The following C12orf42 variants were observed in gnomAD, a reference collection of about 807,000 sequenced individuals.
The protein encoded by C12orf42 is uncharacterized protein C12orf42.
Under a neutral mutation model 21.6 loss-of-function variants are expected in C12orf42, and 25 were observed. The observed-to-expected ratio is 1.16, with a 90% confidence interval of 0.84 to 1.62. The LOEUF is 1.62. Among genes scored for constraint, C12orf42 ranks in the 40% most tolerant of loss-of-function variants. The pLI is 0.00. For missense variants in C12orf42, 483 were observed against 459.3 expected, an observed-to-expected ratio of 1.05 and a Z score of -0.47; for synonymous variants, 174 against 175.0, an observed-to-expected ratio of 0.99 and a Z score of 0.05.
At chr12:103,199,528 A>C in the C12orf42 span, among the ~76,000 whole-genome samples, 1 of 152,218 alleles carries the variant, frequency 6.6e-6, no homozygotes, top group African/African-American at 2.4e-5. Context: ...AAGGCGACTG[A>C]CAGAATGGGG....
At chr12:103,128,499 A>G in the C12orf42 span, among the ~76,000 whole-genome samples, 6 of 152,314 alleles carry the variant, frequency 3.9e-5, no homozygotes, top group African/African-American at 1.4e-4. Context: ...TTTTTGATTT[A>G]GCAAACTCAG....
chr12:103,506,616 G>T, the C12orf42 span, among the ~76,000 whole-genome samples: 30 of 150,556 alleles, frequency 2.0e-4, no homozygotes, highest in South Asian at 5.2e-3. Flanking sequence ...ATACCATCTA[G>T]GTTTGTGTAA....
At chr12:103,379,604 C>T (rs574509960) in intron 3 of C12orf42, among the ~76,000 whole-genome samples, 10 of 152,138 alleles carry the variant, frequency 6.6e-5, no homozygotes, top group East Asian at 1.9e-4. Flanking sequence ...GGGTTTGGAT[C>T]GTGCTTGGAC....
chr12:103,481,645 G>T (rs539542172), intron 1 of C12orf42, among the ~76,000 whole-genome samples: 1 of 80,850 alleles, frequency 1.2e-5, no homozygotes, highest in Admixed American at 1.6e-4. Context: ...TCAACATAAA[G>T]CGAGTTACTT....
intron 2 of C12orf42, among the ~76,000 whole-genome samples, chr12:103,460,980 T>A (rs948172808): frequency 6.6e-6 from 1 of 152,188 alleles, no homozygotes; most frequent in African/African-American, 2.4e-5. Flanking sequence ...TATAGTCTGT[T>A]GTAGATTTGT....
chr12:103,292,793 T>C (rs2036907707), intron 4 of C12orf42, among the ~76,000 whole-genome samples: 1 of 152,116 alleles, frequency 6.6e-6, no homozygotes, highest in Non-Finnish European at 1.5e-5. Context: ...TTCTGAAATC[T>C]AAAGAAAATA....
chr12:103,218,812 A>C, the C12orf42 span, among the ~76,000 whole-genome samples: 1 of 152,246 alleles, frequency 6.6e-6, no homozygotes, highest in African/African-American at 2.4e-5. Flanking sequence ...AATTTACAGA[A>C]TGAGAATTGC....
the C12orf42 span, among the ~76,000 whole-genome samples, chr12:103,068,934 CAT>C: frequency 2.8e-3 from 132 of 47,938 alleles, 1 homozygote; most frequent in Non-Finnish European, 2.9e-3. Context: ...TCTCTCTCCA[CAT>C]ATATATATAT....
intron 10 of C12orf42, among the ~76,000 whole-genome samples, chr12:103,255,125 C>A (rs1330549673): frequency 2.6e-5 from 4 of 152,100 alleles, no homozygotes; most frequent in African/African-American, 4.8e-5. Context: ...GTAATCCCAG[C>A]ACTTTGGGAG....
chr12:103,126,061 G>A, the C12orf42 span, among the ~76,000 whole-genome samples: 1,779 of 152,272 alleles, frequency 0.012, 16 homozygotes, highest in South Asian at 0.026. Flanking sequence ...GTATTCCTGC[G>A]CTGCCTTCAG....
the C12orf42 span, among the ~76,000 whole-genome samples, chr12:103,116,381 A>AAAAAAAATATAT: frequency 1.5e-5 from 2 of 136,712 alleles, no homozygotes; most frequent in African/African-American, 5.5e-5. Flanking sequence ...AAAAAAAAAA[A>AAAAAAAATATAT]ATATATATAT....
intron 2 of C12orf42, among the ~76,000 whole-genome samples, chr12:103,411,108 A>G (rs1011059005): frequency 6.6e-6 from 1 of 152,320 alleles, no homozygotes. Flanking sequence ...AGTTGTTTCC[A>G]TCCTCCCTTG....
At chr12:103,488,769 G>A (rs975379901) in intron 1 of C12orf42, among the ~76,000 whole-genome samples, 2 of 152,134 alleles carry the variant, frequency 1.3e-5, no homozygotes, top group African/African-American at 2.4e-5. Context: ...CATGTGTCAC[G>A]AAGTTTTCAT....
At chr12:103,528,272 C>T in the C12orf42 span, among the ~76,000 whole-genome samples, 1 of 152,192 alleles carries the variant, frequency 6.6e-6, no homozygotes, top group Non-Finnish European at 1.5e-5. Flanking sequence ...GAGAAAGCAA[C>T]AGACAAATTT....
intron 4 of C12orf42, among the ~76,000 whole-genome samples, chr12:103,292,180 T>C (rs995970955): frequency 6.6e-6 from 1 of 152,154 alleles, no homozygotes; most frequent in Non-Finnish European, 1.5e-5. Flanking sequence ...AGACACATAT[T>C]ATATGATTTC....
chr12:103,441,986 A>T (rs1951274783), intron 2 of C12orf42, among the ~76,000 whole-genome samples: 1 of 152,036 alleles, frequency 6.6e-6, no homozygotes, highest in Non-Finnish European at 1.5e-5. Context: ...CTACAAAAAA[A>T]TTTAAAAATT....
chr12:103,124,329 G>A, the C12orf42 span, among the ~76,000 whole-genome samples: 3 of 151,810 alleles, frequency 2.0e-5, no homozygotes, highest in Non-Finnish European at 2.9e-5. Context: ...ACCATGGCTG[G>A]GACATCAAGG....
chr12:103,197,639 G>T, the C12orf42 span, among the ~76,000 whole-genome samples: 1 of 152,132 alleles, frequency 6.6e-6, no homozygotes, highest in Non-Finnish European at 1.5e-5. Context: ...AGACCCTCTG[G>T]TTTTTTGAAT....
At chr12:103,551,252 C>T in the C12orf42 span, among the ~76,000 whole-genome samples, 3 of 152,228 alleles carry the variant, frequency 2.0e-5, no homozygotes, top group Admixed American at 2.0e-4. Context: ...GTTGTCATGG[C>T]TCTATAATAT....
Sources: gnomAD v4.1 joint callset for allele counts (sites outside exome capture counted in the v4.1 genomes callset) on GRCh38, gnomAD v4.1.1 for gene constraint, MANE v1.5 for transcripts, NCBI Gene and HGNC (gene_info 2026-07-23, HGNC 2026-07-21) for gene names.